THBS2: variants seen among roughly 807,000 people sequenced by gnomAD.
The protein encoded by THBS2 is thrombospondin-2.
THBS2 carries 47 observed loss-of-function variants against 135.2 expected under a neutral mutation model. The ratio of observed to expected loss-of-function variants is 0.35; its 90% CI spans 0.28 to 0.44. THBS2 has a LOEUF of 0.44. Among genes scored for constraint, THBS2 ranks in the 20% least tolerant of loss-of-function variants. The pLI is 1.00. For missense variants in THBS2, 1,288 were observed against 1,603.1 expected (o/e 0.80, Z 3.36); for synonymous variants, 639 against 633.8 (o/e 1.01, Z -0.12).
chr6:169,234,990 G>A, intron 9 of THBS2, 83 bp from the exon 10 acceptor site: 1 of 1,363,662 alleles, frequency 7.3e-7, no homozygotes, highest in Non-Finnish European at 1.0e-6. Context: ...GGGAAGAGCA[G>A]GTGGGACATG....
At chr6:169,222,652 G>A (rs1008577585) in intron 18 of THBS2, among the ~76,000 whole-genome samples, 184 bp from the exon 19 acceptor site, 13 of 151,960 alleles carry the variant, frequency 8.6e-5, no homozygotes, top group African/African-American at 2.7e-4. Flanking sequence ...AAAATTAGCC[G>A]GGCATGGTGG....
chr6:169,244,120 AC>A (rs1212738249), intron 4 of THBS2, among the ~76,000 whole-genome samples: 1 of 149,616 alleles, frequency 6.7e-6, no homozygotes, highest in Admixed American at 6.6e-5. Flanking sequence ...ATAGATCCAT[AC>A]TTATTCTACA....
chr6:169,216,409 CAA>C lies in THBS2; in HGVS notation c.*1411_*1412del, dbSNP rs1554243426. The stretch of plus-strand genomic sequence containing the variant: ...TGCAGAAAGATCATGCAACTTAAAG[CAA>C]AAAAACAAACCAACCAACAAAAAAA... On this transcript the variant is annotated 3_prime_UTR_variant, in exon 22 of 22. Coordinates refer to ENST00000617924, the MANE Select transcript of THBS2 (RefSeq NM_003247.5). The C allele has an allele frequency of 7.0e-6, 1 of 142,506 alleles. No homozygotes were observed. The highest frequency in any genetic ancestry group is 1.5e-5 in the Non-Finnish European group (1 of 65,026). 8.8% of individuals were successfully genotyped at this position (142,506 alleles called of 1,614,324 possible).
Position 169,234,839 on chromosome 6 carries a change from C to T in THBS2, c.1546G>A (p.Glu516Lys). 4 of 1,613,242 alleles carry T rather than the reference C, an allele frequency of 2.5e-6. No individual in the cohort carries two copies. The highest frequency in any genetic ancestry group is 2.5e-6 in the Non-Finnish European group (3 of 1,179,762). ...CTVTCAGGIRERTRVCNSPEP... is the reference protein window; with the variant it reads ...CTVTCAGGIRKRTRVCNSPEP... ...GGGCTGTTGCAGACCCGGGTGCGCT[C>T]CCGGATCCCACCGGCACAGGTGACA... Residue 516 changes from glutamate (E) to lysine (K), a missense_variant, in exon 10 of 22, where the codon GAG becomes AAG. Physicochemically the swap from Glu to Lys is moderately conservative, Grantham distance 56. This residue lies in a region of THBS2 where 874 missense variants were observed against 1,156.1 expected (regional missense o/e 0.76). Coordinates refer to ENST00000617924, the MANE Select transcript of THBS2 (RefSeq NM_003247.5).
At chr6:169,238,195 C>T (rs1269123611) in intron 7 of THBS2, among the ~76,000 whole-genome samples, 3 of 152,168 alleles carry the variant, frequency 2.0e-5, no homozygotes, top group Non-Finnish European at 4.4e-5. Flanking sequence ...TCCATTTAAC[C>T]TCTGTTCGCT....
chr6:169,234,262 C>G (rs1437223521), intron 10 of THBS2, among the ~76,000 whole-genome samples: 2 of 150,778 alleles, frequency 1.3e-5, no homozygotes, highest in Non-Finnish European at 3.0e-5. Flanking sequence ...CCATACCACA[C>G]AACTATCTAC....
intron 18 of THBS2, 116 bp downstream of exon 18, chr6:169,223,132 C>A: frequency 1.1e-6 from 1 of 936,372 alleles, no homozygotes; most frequent in Non-Finnish European, 1.6e-6. Context: ...AGGATGGGGG[C>A]TTCCAGAAAG....
intron 9 of THBS2, among the ~76,000 whole-genome samples, chr6:169,235,687 CT>C (rs1231387506): frequency 6.6e-6 from 1 of 151,076 alleles, no homozygotes. Flanking sequence ...TCCACACTCA[CT>C]GCCCATCCAC....
At position 169,248,662 on chromosome 6, in the gene THBS2, C is replaced by G; in HGVS notation, c.364G>C (p.Asp122His). 2 of 1,614,056 alleles carry G rather than the reference C, an allele frequency of 1.2e-6. No homozygotes were observed. Among genetic ancestry groups the G allele is most frequent in the Non-Finnish European group, 1.7e-6 (2 of 1,180,000 alleles). ...ATCCAGTAGGTGAGATCCAGCGTGT[C>G]CGCGGGGCCGTTGGAGACGATCTCG... ...QFEIVSNGPA[D>H]TLDLTYWIDG... Residue 122 changes from aspartate (D) to histidine (H), a missense_variant, in exon 3 of 22, where the codon GAC becomes CAC. By Grantham distance (81) the Asp-to-His change is moderately conservative (BLOSUM62 -1). This residue lies in a region of THBS2 where 414 missense variants were observed against 447.0 expected (regional missense o/e 0.93). Coordinates refer to ENST00000617924, the MANE Select transcript of THBS2 (RefSeq NM_003247.5).
In THBS2 at chr6:169,216,986, A is replaced by G. The variant is rs1779193485; in HGVS notation, c.*836T>C. 6.6e-6 allele frequency: 1 copy of G among 152,234 alleles called. No individual in the cohort carries two copies. The highest frequency in any genetic ancestry group is 6.5e-5 in the Admixed American group (1 of 15,280). The allele number at this position is 152,234 out of a possible 1,614,324, so 9.4% of individuals were successfully genotyped here. ...CTCAGGCAGCAAAGCTGGGGAAGGA[A>G]GCTCAGGCAGGAGCCTCCCCGACGC... On this transcript the variant is annotated 3_prime_UTR_variant, in exon 22 of 22. Coordinates refer to ENST00000617924, the MANE Select transcript of THBS2 (RefSeq NM_003247.5).
chr6:169,218,091 G>T (rs1357382570), intron 21 of THBS2, among the ~76,000 whole-genome samples: 1 of 138,150 alleles, frequency 7.2e-6, no homozygotes, highest in African/African-American at 2.7e-5. Flanking sequence ...GGATGAAATG[G>T]GTGGGTGGAT....
At chr6:169,225,477 C>T in intron 16 of THBS2, 98 bp from the exon 17 acceptor site, 1 of 1,257,446 alleles carries the variant, frequency 8.0e-7, no homozygotes, top group South Asian at 1.4e-5. Flanking sequence ...GCCTCCTCGT[C>T]CTGCAGCACA....
intron 10 of THBS2, among the ~76,000 whole-genome samples, chr6:169,233,997 T>C (rs1251544052): frequency 6.7e-6 from 1 of 150,346 alleles, no homozygotes; most frequent in African/African-American, 2.5e-5. Context: ...ACCACACTAC[T>C]ACCTACATGC....
At position 169,220,226 on chromosome 6, in the gene THBS2, A is replaced by G; in HGVS notation, c.3483T>C (p.Tyr1161=). The change falls in exon 21 of 22, where the codon TAT becomes TAC. Residue 1161 remains tyrosine, a synonymous_variant. Transcript: ENST00000617924. ...TGCATTCGTACTTGAGGTCTGAGAA[A>G]TAGACCATTTCTTGAGAGAAGACAA... is the stretch of plus-strand genomic sequence containing the variant. ...GLFVFSQEMV[Y]FSDLKYECRD... is the part of the protein sequence containing the mutation. 1 of 1,613,960 alleles carries G rather than the reference A, an allele frequency of 6.2e-7. No individual in the cohort carries two copies.
intron 4 of THBS2, among the ~76,000 whole-genome samples, chr6:169,242,683 C>T (rs373917235): frequency 0.017 from 1,165 of 68,318 alleles, 66 homozygotes; most frequent in Non-Finnish European, 0.023. Context: ...CACCTTCCCA[C>T]CTTCCCATCT....
At chr6:169,242,183 CAG>C (rs1780331334) in intron 4 of THBS2, among the ~76,000 whole-genome samples, 1 of 152,106 alleles carries the variant, frequency 6.6e-6, no homozygotes, top group Admixed American at 6.5e-5. Context: ...ACAGCAGGGA[CAG>C]GGGACAGTGG....
rs568009942 is a variant in THBS2 at position 169,241,867 on chromosome 6, C to T, written c.786G>A (p.Arg262=). The T allele has an allele frequency of 5.1e-5, 82 of 1,612,508 alleles. No homozygotes were observed. In the South Asian group the frequency reaches 6.9e-4, roughly 14 times the overall value. ...TEYVGPSSER[R]PEVCERSCEE... ...CGCACGAGCGTTCGCACACCTCGGGCCTCCTCTCCGAGCTGGGGCCCACGT... is the reference window on the plus strand; with the variant it reads ...CGCACGAGCGTTCGCACACCTCGGGTCTCCTCTCCGAGCTGGGGCCCACGT... Residue 262 remains arginine, a synonymous_variant, in exon 5 of 22, where the codon AGG becomes AGA. Transcript: ENST00000617924. The surrounding 1 kb of genome is among the most constrained non-coding windows in gnomAD (Gnocchi z 5.5).
chr6:169,220,257 C>A lies in THBS2; in HGVS notation c.3452G>T (p.Gly1151Val). 1 of 1,613,896 alleles carries A rather than the reference C, an allele frequency of 6.2e-7. No individual in the cohort carries two copies. The highest frequency in any genetic ancestry group is 8.5e-7 in the Non-Finnish European group (1 of 1,179,950). ...YDQTYAGGRL[G>V]LFVFSQEMVY... ...CATTTCTTGAGAGAAGACAAATAGACCCAGCCGCCCGCCAGCGTAGGTTTG... is the reference window on the plus strand; with the variant it reads ...CATTTCTTGAGAGAAGACAAATAGAACCAGCCGCCCGCCAGCGTAGGTTTG... The change falls in exon 21 of 22, where the codon GGT becomes GTT. Residue 1151 changes from glycine to valine, a missense_variant. Gly to Val is a moderately radical substitution (Grantham distance 109). This residue lies in a region of THBS2 where 874 missense variants were observed against 1,156.1 expected (regional missense o/e 0.76). Transcript: ENST00000617924.
intron 14 of THBS2, among the ~76,000 whole-genome samples, chr6:169,229,058 G>A (rs1215256570): frequency 6.6e-6 from 1 of 152,224 alleles, no homozygotes; most frequent in Non-Finnish European, 1.5e-5. Context: ...GGAGAGATAT[G>A]TAAATATCAA....
Sources: gnomAD v4.1 joint callset for allele counts (sites outside exome capture counted in the v4.1 genomes callset) on GRCh38, gnomAD v4.1.1 for gene constraint, gnomAD v4.1.1 regional missense constraint, Gnocchi (gnomAD v3.1) non-coding constraint, MANE v1.5 for transcripts, NCBI Gene and HGNC (gene_info 2026-07-23, HGNC 2026-07-21) for gene names.